Variants in PLD5 observed in about 807,000 individuals in gnomAD.
PLD5 encodes the protein phospholipase D family member 5, also known as inactive phospholipase D5.
A neutral mutation model predicts 61.1 loss-of-function variants in PLD5; 36 were observed. The ratio of observed to expected loss-of-function variants is 0.59; its 90% CI spans 0.45 to 0.78. The LOEUF (loss-of-function observed/expected upper bound fraction) is 0.78, where lower values mean the gene tolerates loss of function less well. Ranked by LOEUF, PLD5 falls within the 30% of genes least tolerant of loss-of-function variation. The pLI, the probability that PLD5 is intolerant of heterozygous loss-of-function variation, is 0.00. For missense variants in PLD5, 515 were observed against 644.4 expected, an observed-to-expected ratio of 0.80 and a Z score of 2.17; for synonymous variants, 243 against 242.8, an observed-to-expected ratio of 1.00 and a Z score of -0.01.
At chr1:242,408,677 G>A (rs915217732) in intron 1 of PLD5, among the ~76,000 whole-genome samples, 8 of 152,186 alleles carry the variant, frequency 5.3e-5, no homozygotes, top group Non-Finnish European at 1.5e-5. Context: ...CTGCAGAACT[G>A]TGAGCCAAAT....
At chr1:242,405,614 T>A (rs1664193937) in intron 1 of PLD5, among the ~76,000 whole-genome samples, 1 of 152,044 alleles carries the variant, frequency 6.6e-6, no homozygotes, top group East Asian at 1.9e-4. Context: ...TTTTTTTTTT[T>A]TTTTGAGATG....
chr1:242,182,126 G>A (rs725601), intron 5 of PLD5, among the ~76,000 whole-genome samples: 65,817 of 151,964 alleles, frequency 0.43, 14,399 homozygotes, highest in South Asian at 0.57. Flanking sequence ...GGAGAACTCA[G>A]TTGGCCTTGC....
chr1:242,348,894 A>C (rs1301217729), intron 1 of PLD5, among the ~76,000 whole-genome samples: 3 of 152,290 alleles, frequency 2.0e-5, no homozygotes, highest in South Asian at 4.1e-4. Flanking sequence ...CTCTACTAAA[A>C]ATACAAAAAA....
At chr1:242,201,858 A>T (rs936530141) in intron 5 of PLD5, among the ~76,000 whole-genome samples, 1 of 152,160 alleles carries the variant, frequency 6.6e-6, no homozygotes, top group Non-Finnish European at 1.5e-5. Context: ...CAGAAATGGT[A>T]CCAAATTGAT....
chr1:242,331,328 C>T (rs560671222), intron 2 of PLD5, among the ~76,000 whole-genome samples: 1 of 152,290 alleles, frequency 6.6e-6, no homozygotes, highest in East Asian at 1.9e-4. Flanking sequence ...TCCATTACAT[C>T]TTTAGGATTA....
At chr1:242,286,128 A>T (rs7518290) in intron 3 of PLD5, among the ~76,000 whole-genome samples, 3,000 of 152,156 alleles carry the variant, frequency 0.02, 104 homozygotes, top group African/African-American at 0.069. Context: ...AATAAAATAA[A>T]ATAAAAATAT....
At chr1:242,271,195 CACACACAGAGAGAGAG>C (rs1558417233) in intron 3 of PLD5, among the ~76,000 whole-genome samples, 2 of 13,458 alleles carry the variant, frequency 1.5e-4, no homozygotes, top group Non-Finnish European at 4.1e-4. Flanking sequence ...CACACACACA[CACACACAGAGAGAGAG>C]AGAGAGAGAG....
intron 1 of PLD5, among the ~76,000 whole-genome samples, chr1:242,374,927 G>A (rs1661859539): frequency 1.3e-5 from 2 of 152,176 alleles, no homozygotes; most frequent in African/African-American, 2.4e-5. Flanking sequence ...CCTTTTGTGA[G>A]TTGATTTTTT....
At chr1:242,364,675 C>T (rs1391878087) in intron 1 of PLD5, among the ~76,000 whole-genome samples, 1 of 152,014 alleles carries the variant, frequency 6.6e-6, no homozygotes, top group Non-Finnish European at 1.5e-5. Context: ...AAGATCTTGC[C>T]ACTGCACTCC....
intron 1 of PLD5, among the ~76,000 whole-genome samples, chr1:242,403,547 C>T (rs137871483): frequency 0.031 from 4,751 of 151,988 alleles, 103 homozygotes; most frequent in Non-Finnish European, 0.048. Flanking sequence ...TCACTGCAAC[C>T]TCCACCTCCC....
chr1:242,377,877 T>C (rs1662054848), intron 1 of PLD5, among the ~76,000 whole-genome samples: 1 of 152,066 alleles, frequency 6.6e-6, no homozygotes, highest in Non-Finnish European at 1.5e-5. Context: ...CAAATATTAG[T>C]AAGGAGGTGG....
chr1:242,360,389 A>AT lies in PLD5; in HGVS notation c.190-12148dup, dbSNP rs1412705533. Among the ~76,000 whole-genome samples the AT allele has an allele frequency of 2.0e-5, 3 of 152,250 alleles. No homozygotes were observed. In the East Asian group the frequency reaches 5.8e-4, roughly 29 times the overall value. On this transcript the variant is annotated intron_variant, in intron 1 of 9. Coordinates refer to ENST00000536534, the MANE Select transcript of PLD5 (RefSeq NM_001372062.1). ...GTGGCTTAAAAAATAATTTTAAATA[A>AT]TATCTTTAAATTTTGAAAATGTTTT...
chr1:242,249,837 T>G (rs955952266), intron 4 of PLD5, among the ~76,000 whole-genome samples: 1 of 152,208 alleles, frequency 6.6e-6, no homozygotes, highest in African/African-American at 2.4e-5. Context: ...CAAATGCCAT[T>G]TTCAATGTCA....
chr1:242,502,312 G>A (rs555857632), intron 1 of PLD5, among the ~76,000 whole-genome samples: 2 of 152,330 alleles, frequency 1.3e-5, no homozygotes, highest in South Asian at 4.1e-4. Flanking sequence ...GAAACTGAGT[G>A]ATCCAGCCTT....
chr1:242,299,887 GTGC>G (rs1405371449), intron 2 of PLD5, among the ~76,000 whole-genome samples: 1 of 152,200 alleles, frequency 6.6e-6, no homozygotes, highest in Admixed American at 6.5e-5. Context: ...AGCTCTCCAA[GTGC>G]TGAAAGGCAC....
At chr1:242,136,526 G>A (rs1222114395) in intron 5 of PLD5, among the ~76,000 whole-genome samples, 2 of 152,112 alleles carry the variant, frequency 1.3e-5, no homozygotes, top group Non-Finnish European at 2.9e-5. Context: ...GTATGGGCAT[G>A]AATATGGAAA....
At chr1:242,502,783 G>T (rs944800880) in intron 1 of PLD5, among the ~76,000 whole-genome samples, 1 of 152,104 alleles carries the variant, frequency 6.6e-6, no homozygotes, top group African/African-American at 2.4e-5. Flanking sequence ...CTGTGGGGCC[G>T]GGTGCAGTGG....
chr1:242,123,433 C>T (rs566522127), intron 6 of PLD5, among the ~76,000 whole-genome samples: 61 of 152,290 alleles, frequency 4.0e-4, no homozygotes, highest in Admixed American at 9.2e-4. Flanking sequence ...CCCTCGCAGC[C>T]GGGACCCCTG....
At position 242,182,774 on chromosome 1, in the gene PLD5, C is replaced by T. The variant is rs559480315; in HGVS notation, c.735+37214G>A. On this transcript the variant is annotated intron_variant, in intron 5 of 9. Transcript: ENST00000536534. ...ACAGGAATCTCTTGAACCCAGGAGA[C>T]GGAGGTTGCAGTGAGGCAAGATCGC... Among the ~76,000 whole-genome samples the T allele has an allele frequency of 1.2e-3, 186 of 152,222 alleles. 1 individual carries two copies. The highest frequency in any genetic ancestry group is 4.2e-3 in the African/African-American group (174 of 41,534).
Sources: gnomAD v4.1 joint callset for allele counts (sites outside exome capture counted in the v4.1 genomes callset) on GRCh38, gnomAD v4.1.1 for gene constraint, MANE v1.5 for transcripts, NCBI Gene and HGNC (gene_info 2026-07-23, HGNC 2026-07-21) for gene names.